Variants in ARHGAP44 observed in about 807,000 individuals in gnomAD.
ARHGAP44 encodes the protein rho GTPase-activating protein 44.
Under a neutral mutation model 106.8 loss-of-function variants are expected in ARHGAP44, and 43 were observed. The ratio of observed to expected loss-of-function variants is 0.40; its 90% CI spans 0.32 to 0.52. ARHGAP44 has a LOEUF of 0.52. Among genes scored for constraint, ARHGAP44 ranks in the 20% least tolerant of loss-of-function variants. ARHGAP44 has a pLI of 0.48. For missense variants in ARHGAP44, 866 were observed against 1,050.5 expected, an observed-to-expected ratio of 0.82 and a Z score of 2.43; for synonymous variants, 439 against 410.3, an observed-to-expected ratio of 1.07 and a Z score of -0.85.
chr17:12,986,874 CATA>C (rs1038347320), intron 20 of ARHGAP44: 3 of 443,662 alleles, frequency 6.8e-6, no homozygotes, highest in African/African-American at 4.0e-5. Context: ...CTTCAGGATT[CATA>C]ATGTCCCTCG....
At chr17:12,841,988 G>A (rs970075125) in intron 1 of ARHGAP44, among the ~76,000 whole-genome samples, 2 of 152,032 alleles carry the variant, frequency 1.3e-5, no homozygotes. Context: ...ACCGGTTTAG[G>A]GAAAGGAAAG....
intron 1 of ARHGAP44, among the ~76,000 whole-genome samples, chr17:12,856,158 C>T (rs1209521194): frequency 5.3e-5 from 8 of 152,212 alleles, no homozygotes; most frequent in Non-Finnish European, 7.3e-5. Flanking sequence ...TCCTCACCAC[C>T]TGTATTCCTG....
chr17:12,952,339 A>G (rs1194548774), intron 12 of ARHGAP44, among the ~76,000 whole-genome samples, 162 bp from the exon 13 acceptor site: 1 of 152,226 alleles, frequency 6.6e-6, no homozygotes, highest in Non-Finnish European at 1.5e-5. Flanking sequence ...GAAGGAGAAC[A>G]TAGAGGGGTA....
intron 1 of ARHGAP44, among the ~76,000 whole-genome samples, chr17:12,887,297 G>A (rs1042806695): frequency 6.6e-6 from 1 of 152,106 alleles, no homozygotes; most frequent in Non-Finnish European, 1.5e-5. Flanking sequence ...GAGTGATCAT[G>A]GCTCACATTG....
chr17:12,881,454 G>A (rs1281229717), intron 1 of ARHGAP44, among the ~76,000 whole-genome samples: 1 of 151,852 alleles, frequency 6.6e-6, no homozygotes, highest in African/African-American at 2.4e-5. Flanking sequence ...CCCAATCTTA[G>A]ATAACACTTT....
Position 12,949,819 on chromosome 17 carries a change from T to A in ARHGAP44, c.1055+89T>A. The A allele has an allele frequency of 7.7e-7, 1 of 1,299,690 alleles. No individual in the cohort carries two copies. The highest frequency in any genetic ancestry group is 1.1e-6 in the Non-Finnish European group (1 of 914,020). 80.5% of individuals were successfully genotyped at this position (1,299,690 alleles called of 1,614,324 possible). A position where few individuals can be genotyped will look rare whatever the true frequency, so the allele number is the denominator to read the frequency against. The stretch of plus-strand genomic sequence containing the variant: ...TTATAGAAGCATGTAACCTATGATC[T>A]CGCAACCCCGTTTCTTGATCTCTGC... On this transcript the variant is annotated intron_variant, in intron 12 of 20. Coordinates refer to ENST00000379672, the MANE Select transcript of ARHGAP44 (RefSeq NM_014859.6). This position sits in a 1 kb window ranked among gnomAD's most constrained non-coding sequence, Gnocchi z 4.1.
At chr17:12,955,422 T>C (rs114635402) in intron 13 of ARHGAP44, among the ~76,000 whole-genome samples, 121 of 152,278 alleles carry the variant, frequency 7.9e-4, no homozygotes, top group African/African-American at 2.6e-3. Context: ...ACTTTTTCTT[T>C]ATTAGATCTT....
intron 7 of ARHGAP44, among the ~76,000 whole-genome samples, chr17:12,936,103 T>C (rs556679186): frequency 2.0e-5 from 3 of 152,210 alleles, no homozygotes; most frequent in African/African-American, 4.8e-5. Flanking sequence ...AGGCCTCCCA[T>C]ATATGTCATT....
intron 1 of ARHGAP44, among the ~76,000 whole-genome samples, chr17:12,873,825 A>C (rs2036470352): frequency 6.6e-6 from 1 of 152,080 alleles, no homozygotes; most frequent in Non-Finnish European, 1.5e-5. Flanking sequence ...AATCACTTGA[A>C]CCCAGGAGGT....
Position 12,958,078 on chromosome 17 carries a change from C to T in ARHGAP44, c.1343-639C>T, listed in dbSNP as rs542029887. On this transcript the variant is annotated intron_variant, in intron 15 of 20. Coordinates refer to ENST00000379672, the MANE Select transcript of ARHGAP44 (RefSeq NM_014859.6). The surrounding 1 kb of genome is among the most constrained non-coding windows in gnomAD (Gnocchi z 4.1). Reference sequence around the variant, plus strand: ...CAAGACAGTAATCCTATAGGTTCTGCGGCTGAGCTAATTCATTACCACTGC... The same window carrying T: ...CAAGACAGTAATCCTATAGGTTCTGTGGCTGAGCTAATTCATTACCACTGC... Among the ~76,000 whole-genome samples the T allele has an allele frequency of 2.8e-4, 43 of 152,210 alleles. No individual in the cohort carries two copies. The highest frequency in any genetic ancestry group is 8.7e-4 in the African/African-American group (36 of 41,528).
chr17:12,978,155 G>T (rs1014403455), intron 18 of ARHGAP44, among the ~76,000 whole-genome samples: 1 of 151,264 alleles, frequency 6.6e-6, no homozygotes, highest in East Asian at 2.0e-4. Context: ...CCACCCACAA[G>T]AAGCAATTTT....
chr17:12,915,460 G>T (rs1212349009), intron 4 of ARHGAP44, among the ~76,000 whole-genome samples: 1 of 152,040 alleles, frequency 6.6e-6, no homozygotes, highest in Non-Finnish European at 1.5e-5. Context: ...TTGGATAATT[G>T]TCTATATATC....
At chr17:12,946,151 A>C (rs903229407) in intron 10 of ARHGAP44, among the ~76,000 whole-genome samples, 28 of 152,226 alleles carry the variant, frequency 1.8e-4, no homozygotes, top group Admixed American at 6.5e-5. Flanking sequence ...AAATTTTTAA[A>C]AAAATTATGG....
intron 15 of ARHGAP44, among the ~76,000 whole-genome samples, chr17:12,957,120 G>A (rs758105633): frequency 9.2e-5 from 14 of 152,024 alleles, no homozygotes; most frequent in African/African-American, 1.7e-4. Context: ...CACCACGCCC[G>A]ACTAATTTTG....
At chr17:12,939,168 AC>A (rs1158830965) in intron 7 of ARHGAP44, among the ~76,000 whole-genome samples, 1 of 151,998 alleles carries the variant, frequency 6.6e-6, no homozygotes, top group African/African-American at 2.4e-5. Flanking sequence ...CATTTAAGGG[AC>A]CTCAGGTGAA....
At chr17:12,968,770 T>TC (rs544586816) in intron 16 of ARHGAP44, among the ~76,000 whole-genome samples, 1 of 146,850 alleles carries the variant, frequency 6.8e-6, no homozygotes, top group African/African-American at 2.6e-5. Context: ...TTTATTTCTT[T>TC]TCTTTTTTTT....
intron 1 of ARHGAP44, among the ~76,000 whole-genome samples, chr17:12,816,807 A>G (rs1432771504): frequency 1.3e-5 from 2 of 152,210 alleles, no homozygotes; most frequent in African/African-American, 4.8e-5. Flanking sequence ...ATCCACAGTT[A>G]TAGGTGAGGA....
chr17:12,952,785 G>A (rs904501889), intron 13 of ARHGAP44, among the ~76,000 whole-genome samples: 3 of 140,068 alleles, frequency 2.1e-5, no homozygotes, highest in African/African-American at 8.1e-5. Context: ...CCAGGCTGGA[G>A]TACAGTGGGA....
chr17:12,841,639 C>CACAAAAAA (rs1555546108), intron 1 of ARHGAP44, among the ~76,000 whole-genome samples: 29 of 137,390 alleles, frequency 2.1e-4, no homozygotes, highest in African/African-American at 7.1e-4. Flanking sequence ...CACACACACA[C>CACAAAAAA]AAACAAACAA....
Sources: allele counts gnomAD v4.1 joint callset (sites outside exome capture counted in the v4.1 genomes callset), GRCh38; gene constraint gnomAD v4.1.1; non-coding constraint Gnocchi (gnomAD v3.1); transcripts MANE v1.5; gene names NCBI Gene and HGNC (gene_info 2026-07-23, HGNC 2026-07-21).